Variants in LRRC28 observed in about 807,000 individuals in gnomAD.
LRRC28 encodes the protein leucine-rich repeat-containing protein 28.
A neutral mutation model predicts 45.7 loss-of-function variants in LRRC28; 39 were observed. The observed-to-expected ratio is 0.85, with a 90% CI of 0.66 to 1.12. The LOEUF (loss-of-function observed/expected upper bound fraction) is 1.12. Ranked by LOEUF, LRRC28 falls within the 50% of genes most tolerant of loss-of-function variation. The pLI is 0.00. For synonymous variants in LRRC28, 206 were observed against 178.8 expected (o/e 1.15, Z -1.22); for missense variants, 435 against 438.5 (o/e 0.99, Z 0.07).
intron 6 of LRRC28, among the ~76,000 whole-genome samples, chr15:99,339,291 A>T (rs889417699): frequency 6.6e-6 from 1 of 152,228 alleles, no homozygotes; most frequent in East Asian, 1.9e-4. Flanking sequence ...TCACAAATTG[A>T]CTATGGAAGA....
At chr15:99,345,558 C>T (rs1302205096) in intron 6 of LRRC28, among the ~76,000 whole-genome samples, 1 of 151,962 alleles carries the variant, frequency 6.6e-6, no homozygotes, top group African/African-American at 2.4e-5. Context: ...TTATGTATAC[C>T]AGAGAAGTAG....
chr15:99,385,950 GAA>G (rs1957973236), intron 9 of LRRC28, 78 bp from the exon 10 acceptor site: 8 of 1,320,370 alleles, frequency 6.1e-6, no homozygotes, highest in Middle Eastern at 3.6e-4. Flanking sequence ...TTTTAACAAA[GAA>G]AAAAGTTTCC....
chr15:99,341,384 G>A (rs748566590), intron 6 of LRRC28, among the ~76,000 whole-genome samples: 4 of 152,114 alleles, frequency 2.6e-5, no homozygotes, highest in South Asian at 4.2e-4. Context: ...GAGCCACCGC[G>A]CCCGGCCTGT....
chr15:99,368,245 A>G (rs2152331381), intron 9 of LRRC28, among the ~76,000 whole-genome samples: 1 of 152,320 alleles, frequency 6.6e-6, no homozygotes, highest in East Asian at 1.9e-4. Context: ...GACATAATTC[A>G]TCCTGGGGCA....
At chr15:99,353,636 C>A (rs919589778) in intron 7 of LRRC28, 4 of 152,172 alleles carry the variant, frequency 2.6e-5, no homozygotes, top group African/African-American at 9.7e-5. Flanking sequence ...CTTAAAGGAT[C>A]ATTAATATAG....
intron 5 of LRRC28, among the ~76,000 whole-genome samples, chr15:99,305,699 A>G (rs545739320): frequency 1.3e-5 from 2 of 152,324 alleles, no homozygotes; most frequent in South Asian, 4.1e-4. Flanking sequence ...AAATTTGGAA[A>G]GAGGAATATT....
chr15:99,302,933 TG>T (rs1270183886), intron 5 of LRRC28, among the ~76,000 whole-genome samples: 3 of 152,256 alleles, frequency 2.0e-5, no homozygotes, highest in Non-Finnish European at 2.9e-5. Flanking sequence ...GTCTCCAGTT[TG>T]GGCTGTTAGG....
chr15:99,377,486 A>G (rs372652935), intron 9 of LRRC28, among the ~76,000 whole-genome samples: 6 of 152,136 alleles, frequency 3.9e-5, no homozygotes, highest in South Asian at 4.2e-4. Context: ...CTCCCATTCT[A>G]TAGGTTGCCT....
At chr15:99,385,892 A>G in intron 9 of LRRC28, 138 bp from the exon 10 acceptor site, 1 of 734,684 alleles carries the variant, frequency 1.4e-6, no homozygotes, top group East Asian at 2.5e-5. Flanking sequence ...TTTGAAAAGG[A>G]AATTTAAATT....
chr15:99,325,894 A>G (rs1048220490), intron 5 of LRRC28, among the ~76,000 whole-genome samples: 1 of 152,176 alleles, frequency 6.6e-6, no homozygotes, highest in East Asian at 1.9e-4. Context: ...CATCTGACGT[A>G]TATTTTAATA....
At chr15:99,254,076 A>T (rs1183835775) in intron 1 of LRRC28, among the ~76,000 whole-genome samples, 3 of 152,250 alleles carry the variant, frequency 2.0e-5, no homozygotes, top group Non-Finnish European at 4.4e-5. Flanking sequence ...AACTGCTAAC[A>T]GTTTCCTAGT....
intron 9 of LRRC28, among the ~76,000 whole-genome samples, chr15:99,379,261 C>T (rs574969477): frequency 9.8e-4 from 149 of 152,208 alleles, no homozygotes; most frequent in Admixed American, 1.6e-3. Context: ...CTGGTTTAGT[C>T]TTGGGAGGGT....
intron 5 of LRRC28, among the ~76,000 whole-genome samples, chr15:99,288,421 C>T (rs1219313945): frequency 3.3e-5 from 4 of 122,932 alleles, no homozygotes; most frequent in Admixed American, 2.1e-4. Flanking sequence ...CTTGCCCTGT[C>T]GTCAGGCTGG....
At chr15:99,363,706 GT>G (rs1015755091) in intron 9 of LRRC28, among the ~76,000 whole-genome samples, 1 of 152,186 alleles carries the variant, frequency 6.6e-6, no homozygotes, top group Non-Finnish European at 1.5e-5. Flanking sequence ...ACACATTTCT[GT>G]TTTGAATTTT....
At chr15:99,320,437 C>T (rs956044962) in intron 5 of LRRC28, among the ~76,000 whole-genome samples, 2 of 152,100 alleles carry the variant, frequency 1.3e-5, no homozygotes, top group Admixed American at 6.6e-5. Flanking sequence ...AAAAAATAAA[C>T]ATGAGTTCAT....
chr15:99,373,254 A>G (rs758004381), intron 9 of LRRC28, among the ~76,000 whole-genome samples: 1 of 152,204 alleles, frequency 6.6e-6, no homozygotes, highest in Non-Finnish European at 1.5e-5. Context: ...ATCCCCCAAA[A>G]TGCACTTTTT....
In LRRC28 at chr15:99,293,505, A is replaced by G. The variant is rs1042714000; in HGVS notation, c.385+5554A>G. ...CTACTCAGGAGGCTGAGGCAGGAGA[A>G]TCGCTTGAACACAGGAGGCAGAGGT... On this transcript the variant is annotated intron_variant, in intron 5 of 9. Coordinates refer to ENST00000301981, the MANE Select transcript of LRRC28 (RefSeq NM_144598.5). 4.1e-5 allele frequency among the ~76,000 whole-genome samples: 6 copies of G among 145,482 alleles called. No homozygotes were observed. The South Asian group carries it at 1.1e-3, about 27-fold the overall frequency.
At chr15:99,352,238 A>T (rs1385926758) in intron 6 of LRRC28, 131 bp from the exon 7 acceptor site, 1 of 669,862 alleles carries the variant, frequency 1.5e-6, no homozygotes, top group African/African-American at 1.8e-5. Context: ...CTTACTTTAT[A>T]TAACACTTTT....
intron 5 of LRRC28, among the ~76,000 whole-genome samples, chr15:99,333,434 A>G (rs766698023): frequency 1.1e-4 from 17 of 152,218 alleles, no homozygotes; most frequent in Admixed American, 7.9e-4. Flanking sequence ...TTTCCAAAAG[A>G]CATTCTAATT....
Sources: gnomAD v4.1 joint callset for allele counts (sites outside exome capture counted in the v4.1 genomes callset) on GRCh38, gnomAD v4.1.1 for gene constraint, MANE v1.5 for transcripts, NCBI Gene and HGNC (gene_info 2026-07-23, HGNC 2026-07-21) for gene names.